The following GRPR variants were observed in gnomAD, a reference collection of about 807,000 sequenced individuals.
The protein encoded by GRPR is gastrin releasing peptide receptor.
GRPR carries 4 observed loss-of-function variants against 15.6 expected under a neutral mutation model. The observed-to-expected ratio is 0.26, with a 90% CI of 0.13 to 0.59. GRPR has a LOEUF of 0.59. GRPR is among the 20% of genes least tolerant of loss of function. The pLI is 0.90. For missense variants in GRPR, 270 were observed against 304.1 expected (o/e 0.89, Z 0.83); for synonymous variants, 128 against 126.8 (o/e 1.01, Z -0.06).
Position 16,152,287 on chromosome X carries a change from T to A in GRPR, c.797T>A (p.Val266Glu). ...TCCCGGAAGCGACTTGCCAAGACAGTGCTGGTGTTTGTGGGCCTGTTCGCC... is the reference window on the plus strand; with the variant it reads ...TCCCGGAAGCGACTTGCCAAGACAGAGCTGGTGTTTGTGGGCCTGTTCGCC... ...IESRKRLAKTVLVFVGLFAFC... is the reference protein window; with the variant it reads ...IESRKRLAKTELVFVGLFAFC... The change falls in exon 3 of 3, where the codon GTG (valine) becomes GAG (glutamate). Residue 266 changes from valine to glutamate, a missense_variant. By Grantham distance (121) the Val-to-Glu change is moderately radical. Transcript: ENST00000380289. 8.3e-7 allele frequency: 1 copy of A among 1,208,208 alleles called. No individual in the cohort carries two copies. The highest frequency in any genetic ancestry group is 1.8e-5 in the South Asian group (1 of 56,870).
intron 1 of GRPR, among the ~76,000 whole-genome samples, chrX:16,135,003 C>T (rs1922427819): frequency 9.0e-6 from 1 of 111,548 alleles, no homozygotes; most frequent in African/African-American, 3.3e-5. Flanking sequence ...CAAAACTACA[C>T]ACATCCCAGT....
At chrX:16,137,237 A>G (rs1922463032) in intron 1 of GRPR, among the ~76,000 whole-genome samples, 1 of 112,091 alleles carries the variant, frequency 8.9e-6, no homozygotes, top group Non-Finnish European at 1.9e-5. Flanking sequence ...AGATGGTGAA[A>G]TGAGGGTTCT....
Position 16,146,199 on chromosome X carries a change from A to G in GRPR, c.414-4106A>G, listed in dbSNP as rs139764109. Among the ~76,000 whole-genome samples, 439 of 111,979 alleles carry G rather than the reference A, an allele frequency of 3.9e-3. 2 individuals carry two copies. The highest frequency in any genetic ancestry group is 0.014 in the African/African-American group (421 of 30,855). On this transcript the variant is annotated intron_variant, in intron 1 of 2. Coordinates refer to ENST00000380289, the MANE Select transcript of GRPR (RefSeq NM_005314.3). ...GATCTTGGAACTAAATCTGGTGATA[A>G]CTTTAAAGGGTTATCACATCTAATT...
At chrX:16,147,238 T>C (rs758281942) in intron 1 of GRPR, among the ~76,000 whole-genome samples, 1 of 112,111 alleles carries the variant, frequency 8.9e-6, no homozygotes, top group Admixed American at 9.5e-5. Flanking sequence ...ATAAACAAGG[T>C]CTTTTAAGAA....
At chrX:16,128,458 T>C (rs1473367968) in intron 1 of GRPR, among the ~76,000 whole-genome samples, 1 of 110,991 alleles carries the variant, frequency 9.0e-6, no homozygotes, top group Non-Finnish European at 1.9e-5. Context: ...GAGGTTGCAG[T>C]GAGCCGACAT....
intron 1 of GRPR, among the ~76,000 whole-genome samples, chrX:16,133,532 T>A (rs1158388175): frequency 9.0e-6 from 1 of 111,678 alleles, no homozygotes; most frequent in Non-Finnish European, 1.9e-5. Context: ...ACTTTACTTC[T>A]CCCCAAAGAT....
intron 1 of GRPR, 56 bp from the exon 2 acceptor site, chrX:16,150,249 C>T: frequency 1.2e-6 from 1 of 846,408 alleles, no homozygotes; most frequent in East Asian, 3.1e-5. Flanking sequence ...TAGTCCTGGC[C>T]CTGGTATTCA....
chrX:16,124,398 A>G, intron 1 of GRPR, 32 bp downstream of exon 1: 5 of 1,162,835 alleles, frequency 4.3e-6, no homozygotes, highest in Non-Finnish European at 3.5e-6. Context: ...CATGCTCTCC[A>G]AGGGTGATAG....
At chrX:16,124,736 G>GT (rs756525653) in intron 1 of GRPR, among the ~76,000 whole-genome samples, 1 of 112,199 alleles carries the variant, frequency 8.9e-6, no homozygotes, top group East Asian at 2.8e-4. Flanking sequence ...TCAGGCAAAT[G>GT]TTTTTTAGGA....
chrX:16,152,557 C>T lies in GRPR; in HGVS notation c.1067C>T (p.Thr356Ile), dbSNP rs1456522700. 5 of 1,202,620 alleles carry T rather than the reference C, an allele frequency of 4.2e-6. No homozygotes were observed. The highest frequency in any genetic ancestry group is 2.2e-5 in the Admixed American group (1 of 45,829). Residue 356 changes from threonine (T) to isoleucine (I), a missense_variant, in exon 3 of 3, where the codon ACC becomes ATC. Thr to Ile is a moderately conservative substitution (Grantham distance 89, BLOSUM62 -1). Transcript: ENST00000380289. Reference sequence around the variant, plus strand: ...TCTCACAGCACTGGAAGGAGTACAACCTGCATGACCTCCCTCAAGAGTACC... The same window carrying T: ...TCTCACAGCACTGGAAGGAGTACAATCTGCATGACCTCCCTCAAGAGTACC... ...IRSHSTGRSTTCMTSLKSTNP... is the reference protein window; with the variant it reads ...IRSHSTGRSTICMTSLKSTNP...
At chrX:16,140,924 T>A (rs1922522035) in intron 1 of GRPR, among the ~76,000 whole-genome samples, 1 of 112,174 alleles carries the variant, frequency 8.9e-6, no homozygotes, top group South Asian at 3.8e-4. Flanking sequence ...GATTTGTTTT[T>A]TTCCCCCGTT....
intron 1 of GRPR, among the ~76,000 whole-genome samples, chrX:16,126,406 C>T (rs1290692342): frequency 1.8e-5 from 2 of 111,849 alleles, no homozygotes; most frequent in Non-Finnish European, 3.8e-5. Context: ...TATCTTATAT[C>T]TCTGAGGTTG....
In GRPR at chrX:16,138,514, T is replaced by A. The variant is rs750212153; in HGVS notation, c.414-11791T>A. Among the ~76,000 whole-genome samples, 168 of 112,452 alleles carry A rather than the reference T, an allele frequency of 1.5e-3. 1 individual carries two copies. The highest frequency in any genetic ancestry group is 3.9e-3 in the African/African-American group (120 of 31,019). ...TTACAATAAGCTCTTTGTAGTTTGATAATAACTTTTTTGAATGAAAAACGT... is the reference window on the plus strand; with the variant it reads ...TTACAATAAGCTCTTTGTAGTTTGAAAATAACTTTTTTGAATGAAAAACGT... On this transcript the variant is annotated intron_variant, in intron 1 of 2. Coordinates refer to ENST00000380289, the MANE Select transcript of GRPR (RefSeq NM_005314.3).
intron 1 of GRPR, among the ~76,000 whole-genome samples, chrX:16,147,607 C>T (rs1471378412): frequency 1.8e-5 from 2 of 112,014 alleles, no homozygotes; most frequent in African/African-American, 3.2e-5. Context: ...AATCTAGAGG[C>T]TTAATTAGAT....
intron 1 of GRPR, among the ~76,000 whole-genome samples, chrX:16,138,786 G>A (rs778420423): frequency 9.0e-6 from 1 of 111,718 alleles, no homozygotes; most frequent in African/African-American, 3.3e-5. Context: ...GTATAGTTCA[G>A]TGGCAGTAAG....
chrX:16,135,192 CA>C (rs1922430020), intron 1 of GRPR, among the ~76,000 whole-genome samples: 1 of 111,915 alleles, frequency 8.9e-6, no homozygotes, highest in Non-Finnish European at 1.9e-5. Flanking sequence ...GTAGGTACAT[CA>C]AAGCCTCTGG....
chrX:16,123,933 G>C lies in GRPR; in HGVS notation c.-21G>C, dbSNP rs760154594. 2 of 1,195,603 alleles carry C rather than the reference G, an allele frequency of 1.7e-6. No homozygotes were observed. The highest frequency in any genetic ancestry group is 3.5e-5 in the African/African-American group (2 of 56,861). Reference sequence around the variant, plus strand: ...GAAATAGCATCTAAGGGAACTTTTAGGTGGGAAAAAAAATCTAGAGATGGC... The same window carrying C: ...GAAATAGCATCTAAGGGAACTTTTACGTGGGAAAAAAAATCTAGAGATGGC... On this transcript the variant is annotated 5_prime_UTR_variant, in exon 1 of 3. Coordinates refer to ENST00000380289, the MANE Select transcript of GRPR (RefSeq NM_005314.3).
chrX:16,130,292 A>G (rs1454997159), intron 1 of GRPR, among the ~76,000 whole-genome samples: 1 of 112,403 alleles, frequency 8.9e-6, no homozygotes, highest in Admixed American at 9.4e-5. Context: ...ATGTTTGAGC[A>G]GTGACAAAAG....
At chrX:16,133,535 C>T (rs1469046021) in intron 1 of GRPR, among the ~76,000 whole-genome samples, 1 of 111,316 alleles carries the variant, frequency 9.0e-6, no homozygotes, top group Non-Finnish European at 1.9e-5. Context: ...TTACTTCTCC[C>T]CAAAGATCTT....
Sources: allele counts gnomAD v4.1 joint callset (sites outside exome capture counted in the v4.1 genomes callset), GRCh38; gene constraint gnomAD v4.1.1; transcripts MANE v1.5; gene names NCBI Gene and HGNC (gene_info 2026-07-23, HGNC 2026-07-21).